Variants in TLL1 observed in about 807,000 individuals in gnomAD.
TLL1 encodes the protein tolloid-like protein 1.
A neutral mutation model predicts 128.2 loss-of-function variants in TLL1; 49 were observed. That is an observed-to-expected ratio of 0.38 (90% CI 0.30 to 0.48). The LOEUF (loss-of-function observed/expected upper bound fraction) is 0.48. Ranked by LOEUF, TLL1 falls within the 20% of genes least tolerant of loss-of-function variation. The pLI, the probability that TLL1 is intolerant of heterozygous loss-of-function variation, is 0.96. For missense variants in TLL1, 1,123 were observed against 1,242.0 expected (o/e 0.90, Z 1.44); for synonymous variants, 454 against 418.8 (o/e 1.08, Z -1.03).
At chr4:165,907,550 CT>C (rs111799840) in intron 1 of TLL1, among the ~76,000 whole-genome samples, 7,993 of 139,262 alleles carry the variant, frequency 0.057, 594 homozygotes, top group African/African-American at 0.18. Flanking sequence ...TAATGCAAGC[CT>C]TTTTTTTTTT....
At chr4:165,958,906 A>T (rs1289279824) in intron 1 of TLL1, among the ~76,000 whole-genome samples, 3 of 138,780 alleles carry the variant, frequency 2.2e-5, no homozygotes, top group Non-Finnish European at 4.6e-5. Context: ...TAAGGAAGGG[A>T]TCCAGTTTCA....
At chr4:166,095,581 A>G (rs1282522366) in intron 19 of TLL1, among the ~76,000 whole-genome samples, 1 of 152,108 alleles carries the variant, frequency 6.6e-6, no homozygotes, top group Non-Finnish European at 1.5e-5. Context: ...AAAATAATAT[A>G]TTATTAAACT....
rs771529552 is a variant in TLL1, at chr4:166,025,483, TC to T, written c.1158+53del. The T allele has an allele frequency of 2.3e-6, 3 of 1,325,954 alleles. No homozygotes were observed. The African/African-American group carries it at 4.4e-5, about 19-fold the overall frequency. The allele number at this position is 1,325,954 out of a possible 1,614,324, so 82.1% of individuals were successfully genotyped here. On this transcript the variant is annotated intron_variant, in intron 9 of 20. Transcript: ENST00000061240. Reference sequence around the variant, plus strand: ...TTTATTCTTATATAAGTACAAAAGTTCATCATCCTTCAAATATAAATTTGCT... The same window carrying T: ...TTTATTCTTATATAAGTACAAAAGTTATCATCCTTCAAATATAAATTTGCT...
At chr4:166,032,657 T>G (rs796380594) in intron 9 of TLL1, among the ~76,000 whole-genome samples, 51 of 152,282 alleles carry the variant, frequency 3.3e-4, no homozygotes, top group African/African-American at 1.2e-3. Flanking sequence ...AAGTTCTACT[T>G]CATATTGCAT....
chr4:166,093,152 G>A (rs1741853867), intron 19 of TLL1, among the ~76,000 whole-genome samples: 1 of 152,128 alleles, frequency 6.6e-6, no homozygotes. Context: ...CGGAGACAAA[G>A]TATAGAGAAA....
In TLL1 at chr4:166,042,017, T is replaced by C. The variant is rs1436236253; in HGVS notation, c.1262-10T>C. On this transcript the variant is annotated splice_polypyrimidine_tract_variant and intron_variant, in intron 10 of 20. Transcript: ENST00000061240. ...TTAGGAGTTTCTCTTTATTCTTTTA[T>C]TTCTTTTAGGTAGATTCTGTGGGGA... 6.3e-7 allele frequency: 1 copy of C among 1,584,084 alleles called. No individual in the cohort carries two copies.
intron 12 of TLL1, among the ~76,000 whole-genome samples, chr4:166,048,592 TAAAG>T: frequency 6.6e-6 from 1 of 152,310 alleles, no homozygotes; most frequent in Non-Finnish European, 1.5e-5. Context: ...GAGTCATTTG[TAAAG>T]AAGCTTCTAG....
intron 10 of TLL1, among the ~76,000 whole-genome samples, 181 bp from the exon 11 acceptor site, chr4:166,041,846 A>C (rs1739255592): frequency 6.6e-6 from 1 of 152,118 alleles, no homozygotes; most frequent in African/African-American, 2.4e-5. Context: ...ATATATATGA[A>C]GACATTGTTT....
chr4:166,091,265 T>G lies in TLL1; in HGVS notation c.2580T>G (p.Thr860=), dbSNP rs759822493. ...GNKIPDPLVA[T]GNKMFVRFVS... is the part of the protein sequence containing the mutation. ...AGATACCAGATCCCCTTGTGGCTAC[T>G]GGAAATAAAATGTTTGTTCGGTTTG... Residue 860 remains threonine (T), a synonymous_variant, in exon 19 of 21, where the codon ACT becomes ACG. Transcript: ENST00000061240. The G allele has an allele frequency of 1.1e-5, 17 of 1,613,110 alleles. No individual in the cohort carries two copies. The highest frequency in any genetic ancestry group is 3.3e-5 in the Admixed American group (2 of 59,946).
At chr4:165,980,396 CT>C (rs1340526655) in intron 1 of TLL1, among the ~76,000 whole-genome samples, 3 of 152,154 alleles carry the variant, frequency 2.0e-5, no homozygotes, top group African/African-American at 7.2e-5. Flanking sequence ...GAACATCCTT[CT>C]ATTCTCTATA....
intron 1 of TLL1, among the ~76,000 whole-genome samples, chr4:165,985,155 C>A (rs917344855): frequency 6.6e-6 from 1 of 151,972 alleles, no homozygotes; most frequent in Non-Finnish European, 1.5e-5. Context: ...GTCGAGGAAG[C>A]CGGCTGAAAA....
At chr4:166,043,161 G>A in intron 11 of TLL1, 113 bp from the exon 12 acceptor site, 2 of 1,410,234 alleles carry the variant, frequency 1.4e-6, no homozygotes, top group South Asian at 1.2e-5. Context: ...TTTATAGCCT[G>A]GTCTTTATGT....
chr4:166,044,490 C>A lies in TLL1; in HGVS notation c.1524+1071C>A, dbSNP rs145150218. 453 of 1,374,690 alleles carry A rather than the reference C, an allele frequency of 3.3e-4. 2 individuals are homozygous for A. The African/African-American group carries it at 4.8e-3, about 14-fold the overall frequency. 85.2% of individuals were successfully genotyped at this position (1,374,690 alleles called of 1,614,324 possible). On this transcript the variant is annotated intron_variant, in intron 12 of 20. Coordinates refer to ENST00000061240, the MANE Select transcript of TLL1 (RefSeq NM_012464.5). ...TCCCCTTGCATGTACCATTTAACTTCCCAGATGTATTTCCTTTTGTTACCA... is the reference window on the plus strand; with the variant it reads ...TCCCCTTGCATGTACCATTTAACTTACCAGATGTATTTCCTTTTGTTACCA...
chr4:165,973,735 G>T (rs935259032), intron 1 of TLL1, among the ~76,000 whole-genome samples: 1 of 150,814 alleles, frequency 6.6e-6, no homozygotes, highest in African/African-American at 2.4e-5. Context: ...GTACAATCTC[G>T]GCTCACTGCA....
chr4:166,059,967 G>A (rs1740224741), intron 14 of TLL1, 61 bp from the exon 15 acceptor site: 2 of 1,591,210 alleles, frequency 1.3e-6, no homozygotes, highest in East Asian at 4.5e-5. Flanking sequence ...TTAATGGACA[G>A]GTGCTAAGAA....
At chr4:165,915,065 G>A (rs1732718941) in intron 1 of TLL1, among the ~76,000 whole-genome samples, 2 of 152,152 alleles carry the variant, frequency 1.3e-5, no homozygotes, top group Admixed American at 6.5e-5. Flanking sequence ...TACCCGTGGA[G>A]TGGGTCTTTT....
At chr4:166,090,264 G>A (rs542816191) in intron 18 of TLL1, among the ~76,000 whole-genome samples, 6 of 152,156 alleles carry the variant, frequency 3.9e-5, no homozygotes, top group African/African-American at 1.4e-4. Flanking sequence ...TCTGGGGAAA[G>A]GAAAGAGCCT....
intron 1 of TLL1, among the ~76,000 whole-genome samples, chr4:165,938,034 T>C (rs11735163): frequency 1.7e-3 from 265 of 152,188 alleles, no homozygotes; most frequent in Non-Finnish European, 2.2e-3. Context: ...TCCTAGATTA[T>C]GTATTAACGT....
intron 18 of TLL1, among the ~76,000 whole-genome samples, chr4:166,084,360 C>A (rs1194944385): frequency 6.6e-6 from 1 of 152,084 alleles, no homozygotes. Flanking sequence ...TGATTGCTCC[C>A]TTTCCTGTAC....
Sources: gnomAD v4.1 joint callset for allele counts (sites outside exome capture counted in the v4.1 genomes callset) on GRCh38, gnomAD v4.1.1 for gene constraint, MANE v1.5 for transcripts, NCBI Gene and HGNC (gene_info 2026-07-23, HGNC 2026-07-21) for gene names.